Variants in KLHL1 observed in about 807,000 individuals in gnomAD.
KLHL1 encodes the protein kelch-like protein 1.
Under a neutral mutation model 77.7 loss-of-function variants are expected in KLHL1, and 47 were observed. That is an observed-to-expected ratio of 0.60 (90% CI 0.48 to 0.77). KLHL1 has a LOEUF of 0.77. KLHL1 is among the 30% of genes least tolerant of loss of function. The pLI is 0.00. For synonymous variants in KLHL1, 360 were observed against 325.2 expected (o/e 1.11, Z -1.15); for missense variants, 925 against 910.8 (o/e 1.02, Z -0.20).
At chr13:69,955,938 ATATATT>A (rs1314809342) in intron 3 of KLHL1, among the ~76,000 whole-genome samples, 74 of 95,928 alleles carry the variant, frequency 7.7e-4, no homozygotes, top group Non-Finnish European at 1.6e-3. Flanking sequence ...TATATTTGAT[ATATATT>A]TATATATATA....
chr13:69,739,742 A>T (rs546527396), intron 8 of KLHL1, among the ~76,000 whole-genome samples: 1 of 152,328 alleles, frequency 6.6e-6, no homozygotes, highest in South Asian at 2.1e-4. Context: ...AATTTAAAAG[A>T]TCAGACTAGA....
intron 7 of KLHL1, among the ~76,000 whole-genome samples, chr13:69,781,780 TTTAGA>T (rs1172584073): frequency 5.3e-5 from 8 of 152,222 alleles, no homozygotes; most frequent in African/African-American, 1.4e-4. Flanking sequence ...TGTGTTGTAC[TTTAGA>T]TTAATTTTCT....
intron 1 of KLHL1, among the ~76,000 whole-genome samples, chr13:69,990,062 A>G (rs796752406): frequency 6.6e-6 from 1 of 151,994 alleles, no homozygotes; most frequent in Non-Finnish European, 1.5e-5. Flanking sequence ...CAATAATTTC[A>G]TATCTGGCCA....
chr13:69,951,532 A>C (rs1023214560), intron 3 of KLHL1, among the ~76,000 whole-genome samples: 1 of 151,504 alleles, frequency 6.6e-6, no homozygotes, highest in Non-Finnish European at 1.5e-5. Flanking sequence ...TGTGGAAAGA[A>C]AAATGTTGGC....
intron 1 of KLHL1, among the ~76,000 whole-genome samples, chr13:70,097,066 A>G (rs1409245520): frequency 6.6e-6 from 1 of 152,024 alleles, no homozygotes; most frequent in Non-Finnish European, 1.5e-5. Context: ...TTGGAACTTT[A>G]AAGGCACATC....
chr13:69,789,372 C>G (rs1184228138), intron 7 of KLHL1, among the ~76,000 whole-genome samples: 2 of 150,308 alleles, frequency 1.3e-5, no homozygotes, highest in East Asian at 3.9e-4. Context: ...TTATTATTTA[C>G]TTTTTTTTTG....
intron 10 of KLHL1, among the ~76,000 whole-genome samples, chr13:69,702,391 A>C (rs1875436440): frequency 6.6e-6 from 1 of 151,774 alleles, no homozygotes; most frequent in South Asian, 2.1e-4. Context: ...TAATTTTTAC[A>C]GAGTTTGTAA....
rs78193992 is a variant in KLHL1 at position 69,725,006 on chromosome 13, C to T, written c.1803-5425G>A. ...TGGAGCAACTCAAGTGAATGCTGCA[C>T]ATGTGGTGGGTTTGTTTCACATCCA... On this transcript the variant is annotated intron_variant, in intron 8 of 10. Coordinates refer to ENST00000377844, the MANE Select transcript of KLHL1 (RefSeq NM_020866.3). 7.4e-3 allele frequency among the ~76,000 whole-genome samples: 1,123 copies of T among 152,224 alleles called. 10 individuals carry two copies. Among genetic ancestry groups the T allele is most frequent in the African/African-American group, 0.026 (1,077 of 41,544 alleles).
intron 1 of KLHL1, among the ~76,000 whole-genome samples, chr13:69,979,168 C>CA (rs11433328): frequency 0.14 from 19,366 of 140,788 alleles, 1,512 homozygotes; most frequent in African/African-American, 0.24. Flanking sequence ...ATAAGAGGCT[C>CA]AAAAAAAAAA....
chr13:69,871,139 A>G (rs1880568591), intron 5 of KLHL1, among the ~76,000 whole-genome samples: 1 of 152,134 alleles, frequency 6.6e-6, no homozygotes, highest in Admixed American at 6.6e-5. Context: ...GGGCACTTGC[A>G]GACTTAACAA....
chr13:69,903,630 CTTTTTT>C (rs35761520), intron 4 of KLHL1, among the ~76,000 whole-genome samples: 556 of 50,084 alleles, frequency 0.011, no homozygotes, highest in Non-Finnish European at 0.014. Flanking sequence ...TGTTCACATT[CTTTTTT>C]TTTTTTTTTT....
chr13:69,873,553 C>A (rs1470804637), intron 5 of KLHL1, among the ~76,000 whole-genome samples: 6 of 152,222 alleles, frequency 3.9e-5, no homozygotes, highest in Admixed American at 3.9e-4. Context: ...CTCTTTACAG[C>A]AGGGTTCTTA....
At chr13:69,801,297 A>G (rs1029856866) in intron 6 of KLHL1, among the ~76,000 whole-genome samples, 1 of 152,154 alleles carries the variant, frequency 6.6e-6, no homozygotes, top group Non-Finnish European at 1.5e-5. Context: ...GATTAAGAGG[A>G]GGCAGAAATC....
chr13:69,991,326 G>C (rs80075776), intron 1 of KLHL1, among the ~76,000 whole-genome samples: 9,149 of 151,700 alleles, frequency 0.06, 317 homozygotes, highest in Middle Eastern at 0.078. Context: ...GAAGAATATA[G>C]AGACACACAA....
At chr13:69,723,509 C>G (rs1490559883) in intron 8 of KLHL1, among the ~76,000 whole-genome samples, 1 of 152,020 alleles carries the variant, frequency 6.6e-6, no homozygotes, top group African/African-American at 2.4e-5. Flanking sequence ...TTCACTGGTA[C>G]ATTCTCACTG....
chr13:70,006,250 T>G (rs1234435272), intron 1 of KLHL1, among the ~76,000 whole-genome samples: 2 of 152,088 alleles, frequency 1.3e-5, no homozygotes, highest in Non-Finnish European at 2.9e-5. Flanking sequence ...ACATTTTCTT[T>G]ATCTATTTGC....
chr13:69,951,165 A>C (rs1883695871), intron 3 of KLHL1, among the ~76,000 whole-genome samples: 1 of 151,616 alleles, frequency 6.6e-6, no homozygotes, highest in South Asian at 2.1e-4. Flanking sequence ...TTAAGACATT[A>C]CTTATTGTGA....
chr13:69,881,576 G>T (rs916448391), intron 5 of KLHL1, among the ~76,000 whole-genome samples: 4 of 152,120 alleles, frequency 2.6e-5, no homozygotes, highest in Non-Finnish European at 5.9e-5. Flanking sequence ...TGTACATAGA[G>T]AATTTTGTAG....
At chr13:69,907,547 T>C (rs956514818) in intron 4 of KLHL1, among the ~76,000 whole-genome samples, 1 of 152,038 alleles carries the variant, frequency 6.6e-6, no homozygotes, top group South Asian at 2.1e-4. Flanking sequence ...TCGCTAGATA[T>C]TGAAAGTCAT....
Sources: allele counts gnomAD v4.1 joint callset (sites outside exome capture counted in the v4.1 genomes callset), GRCh38; gene constraint gnomAD v4.1.1; transcripts MANE v1.5; gene names NCBI Gene and HGNC (gene_info 2026-07-23, HGNC 2026-07-21).